Variants in GPN1 observed in about 807,000 individuals in gnomAD.
GPN1 encodes the protein ATP(GTP)-binding protein.
Under a neutral mutation model 55.9 loss-of-function variants are expected in GPN1, and 44 were observed. The ratio of observed to expected loss-of-function variants is 0.79; its 90% CI spans 0.62 to 1.01. The LOEUF (loss-of-function observed/expected upper bound fraction) is 1.01. Among genes scored for constraint, GPN1 ranks in the 50% least tolerant of loss-of-function variants. The pLI is 0.00. For missense variants in GPN1, 466 were observed against 462.8 expected, an observed-to-expected ratio of 1.01 and a Z score of -0.06; for synonymous variants, 179 against 162.5, an observed-to-expected ratio of 1.10 and a Z score of -0.77.
intron 9 of GPN1, 90 bp from the exon 10 acceptor site, chr2:27,639,944 CACTCTTACT>C (rs1389133265): frequency 1.2e-6 from 1 of 854,736 alleles, no homozygotes; most frequent in Non-Finnish European, 1.9e-6. Flanking sequence ...AAATATAAAC[CACTCTTACT>C]AAGATTTTAT....
intron 13 of GPN1, among the ~76,000 whole-genome samples, chr2:27,648,898 A>G (rs1484970860): frequency 6.6e-6 from 1 of 151,496 alleles, no homozygotes; most frequent in Admixed American, 6.6e-5. Context: ...CGGCCTCCCA[A>G]AGTGCTGGGA....
chr2:27,629,117 T>A lies in GPN1; in HGVS notation c.59T>A (p.Val20Glu). The A allele has an allele frequency of 6.2e-7, 1 of 1,614,140 alleles. No individual in the cohort carries two copies. Among genetic ancestry groups the A allele is most frequent in the Non-Finnish European group, 8.5e-7 (1 of 1,180,018 alleles). ...LQASGGPRHP[V>E]CLLVLGMAGS... ...GCTTCTGGGGGTCCGCGGCACCCAGTGTGTCTGTTGGTGTTGGGAATGGCG... is the reference window on the plus strand; with the variant it reads ...GCTTCTGGGGGTCCGCGGCACCCAGAGTGTCTGTTGGTGTTGGGAATGGCG... Residue 20 changes from valine (V) to glutamate (E), a missense_variant, in exon 1 of 14, where the codon GTG (valine) becomes GAG (glutamate). Coordinates refer to ENST00000610189, the MANE Select transcript of GPN1 (RefSeq NM_007266.4).
chr2:27,629,477 G>A, intron 1 of GPN1: 1 of 1,307,224 alleles, frequency 7.6e-7, no homozygotes, highest in Non-Finnish European at 1.1e-6. Context: ...TTAATACAGT[G>A]CTAGCACACA....
At chr2:27,644,721 G>GTT (rs1187754915) in intron 12 of GPN1, among the ~76,000 whole-genome samples, 1 of 130,788 alleles carries the variant, frequency 7.6e-6, no homozygotes, top group African/African-American at 3.1e-5. Flanking sequence ...TTTTTTGGTA[G>GTT]TGTTTTTTTT....
chr2:27,647,821 G>T lies in GPN1; in HGVS notation c.932-15G>T. Reference sequence around the variant, plus strand: ...TTTTGAGGAGGCATATCACTGATAGGTGTTTTCACTGTAGACAGCTTATCT... The same window carrying T: ...TTTTGAGGAGGCATATCACTGATAGTTGTTTTCACTGTAGACAGCTTATCT... On this transcript the variant is annotated splice_polypyrimidine_tract_variant and intron_variant, in intron 12 of 13. Coordinates refer to ENST00000610189, the MANE Select transcript of GPN1 (RefSeq NM_007266.4). The T allele has an allele frequency of 6.8e-7, 1 of 1,470,344 alleles. No homozygotes were observed. The highest frequency in any genetic ancestry group is 9.5e-7 in the Non-Finnish European group (1 of 1,048,864). The allele number at this position is 1,470,344 out of a possible 1,614,324, so 91.1% of individuals were successfully genotyped here.
chr2:27,642,294 A>C (rs1673988510), intron 11 of GPN1, 135 bp from the exon 12 acceptor site: 3 of 630,534 alleles, frequency 4.8e-6, no homozygotes, highest in Non-Finnish European at 8.7e-6. Context: ...CTGTCCCTAT[A>C]CCAGACGTCC....
Position 27,650,327 on chromosome 2 carries a change from CTCT to C in GPN1, c.*129_*131del. ...AATTTTCCTCAGAGTAGCAAAGTTT[CTCT>C]TATTAGAGAAATCTTGTGACTCAGA... On this transcript the variant is annotated 3_prime_UTR_variant, in exon 14 of 14. Coordinates refer to ENST00000610189, the MANE Select transcript of GPN1 (RefSeq NM_007266.4). The C allele has an allele frequency of 3.6e-6, 2 of 549,682 alleles. No homozygotes were observed. The highest frequency in any genetic ancestry group is 6.5e-6 in the Non-Finnish European group (2 of 305,550). The allele number at this position is 549,682 out of a possible 1,614,324, so 34.1% of individuals were successfully genotyped here.
intron 13 of GPN1, 68 bp from the exon 14 acceptor site, chr2:27,650,047 G>T: frequency 1.2e-6 from 1 of 850,152 alleles, no homozygotes; most frequent in South Asian, 1.3e-5. Context: ...TCTGATGGAT[G>T]GGTGACGGGC....
In GPN1 at chr2:27,650,833, C is replaced by T. The variant is rs1306698520; in HGVS notation, c.*633C>T. On this transcript the variant is annotated 3_prime_UTR_variant, in exon 14 of 14. Transcript: ENST00000610189. ...GTTTCATTGGTGACTTGGATAAAGA[C>T]TTTTTAATTTTAACTTTGTTCTAAG... 1 of 152,772 alleles carries T rather than the reference C, an allele frequency of 6.5e-6. No homozygotes were observed. Among genetic ancestry groups the T allele is most frequent in the Non-Finnish European group, 1.5e-5 (1 of 68,026 alleles). 9.5% of individuals were successfully genotyped at this position (152,772 alleles called of 1,614,324 possible).
rs762351637 is a variant in GPN1 at position 27,629,181 on chromosome 2, A to G, written c.111+12A>G. 1.2e-6 allele frequency: 2 copies of G among 1,613,896 alleles called. No homozygotes were observed. The highest frequency in any genetic ancestry group is 1.7e-6 in the Non-Finnish European group (2 of 1,179,824). ...CCACTTTTGTACAGGTGACGTACAC[A>G]GCATGGGTGTAGTAGGGGAGCGCAA... On this transcript the variant is annotated intron_variant, in intron 1 of 13. Transcript: ENST00000610189.
Position 27,643,568 on chromosome 2 carries a change from G to A in GPN1, c.931+1049G>A, listed in dbSNP as rs1674071140. On this transcript the variant is annotated intron_variant, in intron 12 of 13. Transcript: ENST00000610189. The surrounding 1 kb of genome is among the most constrained non-coding windows in gnomAD (Gnocchi z 4.0). The stretch of plus-strand genomic sequence containing the variant: ...ATGTAGCCATTTCCCCATGATAGCA[G>A]GAGAAAATCTGGATGTGCATTGTAT... Among the ~76,000 whole-genome samples the A allele has an allele frequency of 6.6e-6, 1 of 152,136 alleles. No homozygotes were observed. The highest frequency in any genetic ancestry group is 6.5e-5 in the Admixed American group (1 of 15,274).
At chr2:27,646,553 AT>A (rs1674243127) in intron 12 of GPN1, among the ~76,000 whole-genome samples, 1 of 151,918 alleles carries the variant, frequency 6.6e-6, no homozygotes, top group Non-Finnish European at 1.5e-5. Context: ...GTTAGTTTTC[AT>A]TTACAGCCCA....
chr2:27,630,054 G>A (rs906056889), intron 2 of GPN1, 102 bp downstream of exon 2: 7 of 717,830 alleles, frequency 9.8e-6, no homozygotes, highest in Non-Finnish European at 1.8e-5. Context: ...TTGGGAGGCC[G>A]AGGCAGGTAG....
rs568537158 is a variant in GPN1, at chr2:27,648,177, G to C, written c.1039+234G>C. On this transcript the variant is annotated intron_variant, in intron 13 of 13. Transcript: ENST00000610189. ...CTTCTTATCTTTAGGTCCTAACTTG[G>C]TTTGAGGGATCCAGGACTTTTGTTT... Among the ~76,000 whole-genome samples, 5 of 152,270 alleles carry C rather than the reference G, an allele frequency of 3.3e-5. No homozygotes were observed. In the South Asian group the frequency reaches 1.0e-3, roughly 32 times the overall value.
chr2:27,634,091 A>C (rs1228094439), intron 5 of GPN1, among the ~76,000 whole-genome samples: 1 of 152,120 alleles, frequency 6.6e-6, no homozygotes, highest in Non-Finnish European at 1.5e-5. Context: ...GATTATAGCC[A>C]TTCTAGTGGA....
At chr2:27,649,092 A>C (rs1674383957) in intron 13 of GPN1, among the ~76,000 whole-genome samples, 1 of 151,888 alleles carries the variant, frequency 6.6e-6, no homozygotes, top group Non-Finnish European at 1.5e-5. Context: ...ACAAGTACAA[A>C]AAATTAGCTG....
intron 8 of GPN1, 152 bp downstream of exon 8, chr2:27,638,407 A>C: frequency 1.7e-6 from 1 of 591,486 alleles, no homozygotes; most frequent in Non-Finnish European, 3.0e-6. Flanking sequence ...AAAATGAATC[A>C]ATCAAATTGA....
At chr2:27,639,078 G>T (rs764781773) in intron 9 of GPN1, 47 bp downstream of exon 9, 7 of 1,479,392 alleles carry the variant, frequency 4.7e-6, no homozygotes, top group Admixed American at 2.0e-5. Context: ...CAGATAATCT[G>T]TTAACCCATA....
chr2:27,635,786 C>T lies in GPN1; in HGVS notation c.524+552C>T, dbSNP rs571221720. Among the ~76,000 whole-genome samples, 9 of 151,880 alleles carry T rather than the reference C, an allele frequency of 5.9e-5. No individual in the cohort carries two copies. The South Asian group carries it at 1.5e-3, about 25-fold the overall frequency. On this transcript the variant is annotated intron_variant, in intron 7 of 13. Coordinates refer to ENST00000610189, the MANE Select transcript of GPN1 (RefSeq NM_007266.4). ...GAGCCATGATTGTGCCACTGCACTC[C>T]GGCTTGGGGCAACAAGAGCCTGGGG...
Sources: gnomAD v4.1 joint callset for allele counts (sites outside exome capture counted in the v4.1 genomes callset) on GRCh38, gnomAD v4.1.1 for gene constraint, Gnocchi (gnomAD v3.1) non-coding constraint, MANE v1.5 for transcripts, NCBI Gene and HGNC (gene_info 2026-07-23, HGNC 2026-07-21) for gene names.